UNC80: variants seen among roughly 807,000 people sequenced by gnomAD.
UNC80 encodes unc-80 subunit of NALCN channel complex.
A neutral mutation model predicts 384.6 loss-of-function variants in UNC80; 164 were observed. That is an observed-to-expected ratio of 0.43 (90% CI 0.38 to 0.49). The LOEUF is 0.49. UNC80 is among the 20% of genes least tolerant of loss of function. The pLI is 0.00. For missense variants in UNC80, 3,330 were observed against 4,143.0 expected (o/e 0.80, Z 5.39); for synonymous variants, 1,486 against 1,527.8 (o/e 0.97, Z 0.64).
At chr2:209,779,206 A>T (rs1287040342) in intron 4 of UNC80, among the ~76,000 whole-genome samples, 1 of 151,976 alleles carries the variant, frequency 6.6e-6, no homozygotes, top group African/African-American at 2.4e-5. Flanking sequence ...ACCCCTGTGC[A>T]CCTCCTGGGC....
At chr2:209,894,950 T>G (rs1476474038) in intron 27 of UNC80, among the ~76,000 whole-genome samples, 1 of 152,160 alleles carries the variant, frequency 6.6e-6, no homozygotes, top group Non-Finnish European at 1.5e-5. Context: ...TTCTCAGGGA[T>G]TTGTTTTCTC....
At position 209,872,607 on chromosome 2, in the gene UNC80, C is replaced by T. The variant is rs982524785; in HGVS notation, c.3628-151C>T. ...CCAGATTTCTCACTACTGTGTTGGC[C>T]ATACTGACACCACCCTGGGAAATAT... On this transcript the variant is annotated intron_variant, in intron 22 of 64. Transcript: ENST00000673920. This position sits in a 1 kb window ranked among gnomAD's most constrained non-coding sequence, Gnocchi z 4.1. The T allele has an allele frequency of 2.8e-6, 2 of 719,152 alleles. No individual in the cohort carries two copies. The highest frequency in any genetic ancestry group is 4.6e-6 in the Non-Finnish European group (2 of 436,336). The allele number at this position is 719,152 out of a possible 1,614,324, so 44.5% of individuals were successfully genotyped here.
At chr2:209,920,379 G>C (rs2089938289) in intron 33 of UNC80, among the ~76,000 whole-genome samples, 1 of 152,182 alleles carries the variant, frequency 6.6e-6, no homozygotes, top group African/African-American at 2.4e-5. Flanking sequence ...ATTACTTCAA[G>C]TGGATAGAGA....
intron 21 of UNC80, 96 bp from the exon 22 acceptor site, chr2:209,849,355 A>G (rs2082365498): frequency 2.9e-6 from 4 of 1,387,416 alleles, no homozygotes; most frequent in Non-Finnish European, 3.9e-6. Context: ...CCAACACTGT[A>G]GAAAACACAC....
intron 58 of UNC80, among the ~76,000 whole-genome samples, chr2:209,977,758 A>G (rs545906848): frequency 4.0e-4 from 61 of 152,348 alleles, no homozygotes; most frequent in Non-Finnish European, 7.5e-4. Flanking sequence ...CTTTGAGAGT[A>G]CATTGCTTTC....
In UNC80 at chr2:209,976,055, TGTAG is replaced by T; in HGVS notation, c.8588-61_8588-58del. 6.8e-7 allele frequency: 1 copy of T among 1,475,784 alleles called. No individual in the cohort carries two copies. The highest frequency in any genetic ancestry group is 1.3e-5 in the South Asian group (1 of 74,336). The allele number at this position is 1,475,784 out of a possible 1,614,324, so 91.4% of individuals were successfully genotyped here. A position where few individuals can be genotyped will look rare whatever the true frequency, so the allele number is the denominator to read the frequency against. Reference sequence around the variant, plus strand: ...CTAAAGGTGCATAAAGGGCTCTGGATGTAGGTTGGGTTCCTCGGAAGCACACGTC... The same window carrying T: ...CTAAAGGTGCATAAAGGGCTCTGGATGTTGGGTTCCTCGGAAGCACACGTC... On this transcript the variant is annotated intron_variant, in intron 56 of 64. Transcript: ENST00000673920. This position sits in a 1 kb window ranked among gnomAD's most constrained non-coding sequence, Gnocchi z 4.3.
At chr2:209,781,051 C>T (rs1348662988) in intron 4 of UNC80, among the ~76,000 whole-genome samples, 3 of 152,182 alleles carry the variant, frequency 2.0e-5, no homozygotes, top group African/African-American at 4.8e-5. Context: ...CCCTCAGGTT[C>T]CCACTCAGCA....
chr2:209,919,503 T>C (rs892952879), intron 33 of UNC80, among the ~76,000 whole-genome samples: 1 of 152,230 alleles, frequency 6.6e-6, no homozygotes, highest in African/African-American at 2.4e-5. Context: ...TCTTATTAAC[T>C]AGTGTTATTA....
intron 7 of UNC80, chr2:209,794,867 A>G (rs1443500977): frequency 2.3e-6 from 1 of 440,574 alleles, no homozygotes; most frequent in Admixed American, 2.5e-5. Flanking sequence ...AATTAAACTT[A>G]CTTATGTTCC....
intron 26 of UNC80, 116 bp downstream of exon 26, chr2:209,888,376 T>C: frequency 1.8e-6 from 2 of 1,089,062 alleles, no homozygotes; most frequent in Non-Finnish European, 2.6e-6. Flanking sequence ...CCTACAATAC[T>C]GACTGTGTAG....
At chr2:209,887,579 G>A (rs2085940453) in intron 25 of UNC80, among the ~76,000 whole-genome samples, 1 of 152,176 alleles carries the variant, frequency 6.6e-6, no homozygotes, top group Non-Finnish European at 1.5e-5. Context: ...TCTTTGTGGG[G>A]CTGTTATTCT....
At position 209,816,463 on chromosome 2, in the gene UNC80, A is replaced by G. The variant is rs562306735; in HGVS notation, c.1336-446A>G. 4.6e-5 allele frequency among the ~76,000 whole-genome samples: 7 copies of G among 152,334 alleles called. No homozygotes were observed. The South Asian group carries it at 1.5e-3, about 32-fold the overall frequency. On this transcript the variant is annotated intron_variant, in intron 9 of 64. Coordinates refer to ENST00000673920, the MANE Select transcript of UNC80 (RefSeq NM_001371986.1). ...ATCACCATCATGAAAAATGAAACAG[A>G]AAAAGAGAGGCTGGTTCAAGTAGTG... is the stretch of plus-strand genomic sequence containing the variant.
intron 22 of UNC80, among the ~76,000 whole-genome samples, chr2:209,859,200 C>T (rs2083171898): frequency 1.3e-5 from 2 of 151,636 alleles, no homozygotes; most frequent in South Asian, 4.2e-4. Flanking sequence ...CTCCATCCCC[C>T]AACAGGCCCT....
chr2:209,994,100 C>T lies in UNC80; in HGVS notation c.9544C>T (p.Gln3182Ter). 6.4e-7 allele frequency: 1 copy of T among 1,551,544 alleles called. No homozygotes were observed. The highest frequency in any genetic ancestry group is 2.4e-5 in the East Asian group (1 of 40,868). Reference sequence around the variant, plus strand: ...ACGATCTGTGACCTTCATTGAGGCTCAGCCAGAGCCAGCAGCTGCCCCAAC... The same window carrying T: ...ACGATCTGTGACCTTCATTGAGGCTTAGCCAGAGCCAGCAGCTGCCCCAAC... ...QKRSVTFIEA[Q>*]PEPAAAPTDA... is the part of the protein sequence containing the mutation. The change falls in exon 64 of 65, where the codon CAG (glutamine) becomes TAG (stop). Residue 3182 changes from glutamine (Q) to a stop codon, truncating the protein, a stop_gained. Transcript: ENST00000673920. LOFTEE classifies it high-confidence loss of function.
At chr2:209,989,802 G>A (rs1347821684) in intron 61 of UNC80, among the ~76,000 whole-genome samples, 1 of 152,168 alleles carries the variant, frequency 6.6e-6, no homozygotes, top group Non-Finnish European at 1.5e-5. Context: ...ACTTCAATTT[G>A]ATATAGACCC....
intron 22 of UNC80, among the ~76,000 whole-genome samples, chr2:209,859,230 T>C (rs1385398024): frequency 6.6e-6 from 1 of 152,134 alleles, no homozygotes; most frequent in African/African-American, 2.4e-5. Context: ...TGCTTACCTC[T>C]CTGTGCCCAT....
At chr2:209,860,394 T>C (rs1250112160) in intron 22 of UNC80, among the ~76,000 whole-genome samples, 1 of 152,212 alleles carries the variant, frequency 6.6e-6, no homozygotes, top group African/African-American at 2.4e-5. Context: ...TCTATAAGTC[T>C]GTTTTAGTAC....
At chr2:209,915,032 G>A (rs917013799) in intron 31 of UNC80, among the ~76,000 whole-genome samples, 1 of 152,124 alleles carries the variant, frequency 6.6e-6, no homozygotes, top group Admixed American at 6.5e-5. Context: ...CGCTGTAGGA[G>A]TTCAGGGAAT....
intron 5 of UNC80, 62 bp from the exon 6 acceptor site, chr2:209,789,470 A>G: frequency 9.0e-7 from 1 of 1,106,706 alleles, no homozygotes; most frequent in Non-Finnish European, 1.3e-6. Context: ...AATGAAATGA[A>G]CTTATGAAAT....
Sources: allele counts gnomAD v4.1 joint callset (sites outside exome capture counted in the v4.1 genomes callset), GRCh38; gene constraint gnomAD v4.1.1; non-coding constraint Gnocchi (gnomAD v3.1); transcripts MANE v1.5; gene names NCBI Gene and HGNC (gene_info 2026-07-23, HGNC 2026-07-21).